The following PCDHGB4 variants were observed in gnomAD, a reference collection of about 807,000 sequenced individuals.
The protein encoded by PCDHGB4 is protocadherin gamma-B4.
Under a neutral mutation model 60.5 loss-of-function variants are expected in PCDHGB4, and 38 were observed. The observed-to-expected ratio is 0.63, with a 90% confidence interval of 0.48 to 0.82. The LOEUF (loss-of-function observed/expected upper bound fraction) is 0.82, where lower values mean the gene tolerates loss of function less well. Ranked by LOEUF, PCDHGB4 falls within the 40% of genes least tolerant of loss-of-function variation. PCDHGB4 has a pLI of 0.00. For synonymous variants in PCDHGB4, 456 were observed against 509.7 expected (o/e 0.89, Z 1.42); for missense variants, 1,109 against 1,209.6 (o/e 0.92, Z 1.23).
At chr5:141,449,958 A>AT (rs962794399) in intron 1 of PCDHGB4, among the ~76,000 whole-genome samples, 8 of 148,830 alleles carry the variant, frequency 5.4e-5, no homozygotes, top group African/African-American at 2.0e-4. Context: ...CCTCATAGTA[A>AT]TTTTTTTTAG....
rs369044087 is a variant in PCDHGB4 at position 141,389,106 on chromosome 5, C to G, written c.1222C>G (p.Leu408Val). The change falls in exon 1 of 4, where the codon CTA (leucine) becomes GTA (valine). Residue 408 changes from leucine (L) to valine (V), a missense_variant. By Grantham distance (32) the Leu-to-Val change is conservative (BLOSUM62 1). Coordinates refer to ENST00000519479, the MANE Select transcript of PCDHGB4 (RefSeq NM_003736.4). ...GTATAAATTAGTGACAGATGCTGTTCTAGACCGCGAGCAGAATCCAGAGTA... is the reference window on the plus strand; with the variant it reads ...GTATAAATTAGTGACAGATGCTGTTGTAGACCGCGAGCAGAATCCAGAGTA... ...NTYKLVTDAV[L>V]DREQNPEYNI... 73 of 1,613,908 alleles carry G rather than the reference C, an allele frequency of 4.5e-5. No individual in the cohort carries two copies. The highest frequency in any genetic ancestry group is 1.7e-5 in the Admixed American group (1 of 60,018).
At chr5:141,470,900 G>A (rs1454085317) in intron 1 of PCDHGB4, among the ~76,000 whole-genome samples, 4 of 151,832 alleles carry the variant, frequency 2.6e-5, no homozygotes, top group African/African-American at 9.7e-5. Context: ...GTTTTTTGTA[G>A]AGATGGGACT....
Position 141,490,845 on chromosome 5 carries a change from G to T in PCDHGB4, c.2398-3962G>T, listed in dbSNP as rs748605746. The T allele has an allele frequency of 1.4e-5, 22 of 1,613,726 alleles. No individual in the cohort carries two copies. The highest frequency in any genetic ancestry group is 1.7e-5 in the Non-Finnish European group (20 of 1,179,894). On this transcript the variant is annotated intron_variant, in intron 1 of 3. Coordinates refer to ENST00000519479, the MANE Select transcript of PCDHGB4 (RefSeq NM_003736.4). This position sits in a 1 kb window ranked among gnomAD's most constrained non-coding sequence, Gnocchi z 5.4. ...TGCAGATGCTGCAGATTGTGGTGGG[G>T]GTTCGAGACTCCGGCTCTCCCCCAT...
Position 141,485,967 on chromosome 5 carries a change from A to G in PCDHGB4, c.2398-8840A>G, listed in dbSNP as rs751904053. 2.5e-6 allele frequency: 4 copies of G among 1,614,194 alleles called. No individual in the cohort carries two copies. The South Asian group carries it at 4.4e-5, about 18-fold the overall frequency. On this transcript the variant is annotated intron_variant, in intron 1 of 3. Transcript: ENST00000519479. This position sits in a 1 kb window ranked among gnomAD's most constrained non-coding sequence, Gnocchi z 5.7. The stretch of plus-strand genomic sequence containing the variant: ...GCGGGCATGGTGCTCATCCAGCTCA[A>G]TGCCTCAGACCCGGACCTGGGTCCC...
In PCDHGB4 at chr5:141,431,771, C is replaced by G. The variant is rs1175712662; in HGVS notation, c.2397+41490C>G. 1.2e-6 allele frequency: 2 copies of G among 1,614,214 alleles called. No homozygotes were observed. Among genetic ancestry groups the G allele is most frequent in the Non-Finnish European group, 8.5e-7 (1 of 1,180,034 alleles). The stretch of plus-strand genomic sequence containing the variant: ...GCGAGCCAAAGTCCTGATCACTGTT[C>G]TGGACGTGAACGACAATGCCCCAGA... On this transcript the variant is annotated intron_variant, in intron 1 of 3. Coordinates refer to ENST00000519479, the MANE Select transcript of PCDHGB4 (RefSeq NM_003736.4). The surrounding 1 kb of genome is among the most constrained non-coding windows in gnomAD (Gnocchi z 4.8).
chr5:141,421,288 C>T, intron 1 of PCDHGB4: 1 of 1,613,312 alleles, frequency 6.2e-7, no homozygotes, highest in Non-Finnish European at 8.5e-7. Context: ...GTGCATTTTC[C>T]TGGGGACGCT....
At chr5:141,452,839 C>A (rs939513310) in intron 1 of PCDHGB4, among the ~76,000 whole-genome samples, 2 of 152,092 alleles carry the variant, frequency 1.3e-5, no homozygotes, top group Non-Finnish European at 2.9e-5. Flanking sequence ...TTGGTCCAGC[C>A]CACACTCTGG....
chr5:141,404,334 T>G (rs1201635505), intron 1 of PCDHGB4: 2 of 1,613,882 alleles, frequency 1.2e-6, no homozygotes, highest in Non-Finnish European at 1.7e-6. Flanking sequence ...TCAGTCTACC[T>G]CCCGGAAAAC....
intron 1 of PCDHGB4, chr5:141,420,925 G>A: frequency 2.8e-6 from 1 of 355,536 alleles, no homozygotes; most frequent in Non-Finnish European, 5.1e-6. Context: ...TCACAAAGGT[G>A]AGCGTAATCA....
chr5:141,431,354 G>C lies in PCDHGB4; in HGVS notation c.2397+41073G>C. 6.2e-7 allele frequency: 1 copy of C among 1,614,036 alleles called. No individual in the cohort carries two copies. Among genetic ancestry groups the C allele is most frequent in the Non-Finnish European group, 8.5e-7 (1 of 1,180,038 alleles). ...GTACCCCGAATTGGTGCTGAAACGC[G>C]CCCTGGACCGCGAAGAAAAGGCTGC... On this transcript the variant is annotated intron_variant, in intron 1 of 3. Transcript: ENST00000519479. This position sits in a 1 kb window ranked among gnomAD's most constrained non-coding sequence, Gnocchi z 4.8.
At chr5:141,474,745 C>T (rs935430941) in intron 1 of PCDHGB4, among the ~76,000 whole-genome samples, 2 of 152,174 alleles carry the variant, frequency 1.3e-5, no homozygotes, top group East Asian at 3.9e-4. Context: ...AAGTGATGTC[C>T]AAGACAAATA....
Position 141,398,862 on chromosome 5 carries a change from C to G in PCDHGB4, c.2397+8581C>G, listed in dbSNP as rs771326288. On this transcript the variant is annotated intron_variant, in intron 1 of 3. Transcript: ENST00000519479. ...ATAATCCCCCGGTATTCAACCGAGA[C>G]GTGTACAGAGTCAGCCTTCGGGAAA... 4 of 1,613,848 alleles carry G rather than the reference C, an allele frequency of 2.5e-6. No individual in the cohort carries two copies. The African/African-American group carries it at 5.3e-5, about 22-fold the overall frequency.
chr5:141,395,013 G>A, intron 1 of PCDHGB4: 2 of 1,614,064 alleles, frequency 1.2e-6, no homozygotes, highest in South Asian at 1.1e-5. Flanking sequence ...CAGATTGGTA[G>A]GCGTGCCTGC....
chr5:141,497,217 G>A (rs1046945884), intron 2 of PCDHGB4, among the ~76,000 whole-genome samples: 1 of 152,066 alleles, frequency 6.6e-6, no homozygotes, highest in African/African-American at 2.4e-5. Flanking sequence ...AATGGGGGGG[G>A]GAAGATCAGA....
chr5:141,404,043 C>G (rs781644500), intron 1 of PCDHGB4: 1 of 1,613,726 alleles, frequency 6.2e-7, no homozygotes, highest in African/African-American at 1.3e-5. Flanking sequence ...CCTCAGGGAA[C>G]AGTAATTCTT....
chr5:141,455,859 TATTA>T (rs2098833777), intron 1 of PCDHGB4, among the ~76,000 whole-genome samples: 1 of 143,846 alleles, frequency 7.0e-6, no homozygotes, highest in African/African-American at 2.5e-5. Flanking sequence ...TAATTTCTTT[TATTA>T]TTTATTTATT....
intron 1 of PCDHGB4, among the ~76,000 whole-genome samples, chr5:141,463,839 T>C (rs1356261890): frequency 1.3e-5 from 2 of 152,240 alleles, no homozygotes; most frequent in African/African-American, 4.8e-5. Flanking sequence ...TTCCCAGTTG[T>C]TATAGTGGTA....
rs1440733700 is a variant in PCDHGB4 at position 141,441,803 on chromosome 5, G to A, written c.2397+51522G>A. 249 of 383,164 alleles carry A rather than the reference G, an allele frequency of 6.5e-4. 2 individuals carry two copies. Among genetic ancestry groups the A allele is most frequent in the African/African-American group, 4.8e-3 (220 of 45,902 alleles). The allele number at this position is 383,164 out of a possible 1,614,324, so 23.7% of individuals were successfully genotyped here. The stretch of plus-strand genomic sequence containing the variant: ...ACCTGAATGACAACGCACCGCGGGT[G>A]CTGTACCCCAGCTCTGGAGCGCAAT... On this transcript the variant is annotated intron_variant, in intron 1 of 3. Coordinates refer to ENST00000519479, the MANE Select transcript of PCDHGB4 (RefSeq NM_003736.4).
chr5:141,510,798 A>G, intron 3 of PCDHGB4, 149 bp from the exon 4 acceptor site: 1 of 1,474,326 alleles, frequency 6.8e-7, no homozygotes, highest in South Asian at 1.3e-5. Context: ...GTGAAGAGAG[A>G]CTACCTTGGT....
Sources: gnomAD v4.1 joint callset for allele counts (sites outside exome capture counted in the v4.1 genomes callset) on GRCh38, gnomAD v4.1.1 for gene constraint, Gnocchi (gnomAD v3.1) non-coding constraint, MANE v1.5 for transcripts, NCBI Gene and HGNC (gene_info 2026-07-23, HGNC 2026-07-21) for gene names.